ERP44: variants seen among roughly 807,000 people sequenced by gnomAD.
ERP44 encodes the protein endoplasmic reticulum resident protein 44.
In ERP44, 25 loss-of-function variants were observed where a neutral mutation model predicts 53.4. The ratio of observed to expected loss-of-function variants is 0.47; its 90% CI spans 0.34 to 0.65. The LOEUF (loss-of-function observed/expected upper bound fraction) is 0.65. ERP44 is among the 30% of genes least tolerant of loss of function. The probability of loss-of-function intolerance (pLI) is 0.01; values close to 1 mark genes in which losing one functional copy is unlikely to be tolerated. For missense variants in ERP44, 338 were observed against 493.2 expected, an observed-to-expected ratio of 0.69 and a Z score of 2.98; for synonymous variants, 145 against 161.2, an observed-to-expected ratio of 0.90 and a Z score of 0.76.
At chr9:100,027,761 T>C (rs908899091) in intron 4 of ERP44, among the ~76,000 whole-genome samples, 5 of 152,102 alleles carry the variant, frequency 3.3e-5, no homozygotes, top group Admixed American at 6.6e-5. Context: ...GCAACGTCTC[T>C]CCCTGCAATG....
chr9:99,994,849 C>A lies in ERP44; in HGVS notation c.1017-9780G>T, dbSNP rs180818199. ...AACAGTTTTAGCTATTCTGGTTTAA[C>A]CTTTCCATATAAATTTTAGAATCTG... On this transcript the variant is annotated intron_variant, in intron 10 of 11. Transcript: ENST00000262455. Among the ~76,000 whole-genome samples, 10 of 152,266 alleles carry A rather than the reference C, an allele frequency of 6.6e-5. No homozygotes were observed. In the East Asian group the frequency reaches 1.2e-3, roughly 18 times the overall value.
chr9:100,071,540 G>A (rs1237025250), intron 1 of ERP44, among the ~76,000 whole-genome samples: 1 of 152,014 alleles, frequency 6.6e-6, no homozygotes, highest in Non-Finnish European at 1.5e-5. Context: ...ACGTATTCTT[G>A]GGTAAAAATG....
At chr9:100,049,270 T>C (rs1463930090) in intron 4 of ERP44, among the ~76,000 whole-genome samples, 1 of 152,038 alleles carries the variant, frequency 6.6e-6, no homozygotes, top group Non-Finnish European at 1.5e-5. Context: ...ATTAGCTGGG[T>C]GTGGTGGCAC....
chr9:100,042,988 A>G (rs1052927235), intron 4 of ERP44, among the ~76,000 whole-genome samples: 1 of 152,050 alleles, frequency 6.6e-6, no homozygotes, highest in South Asian at 2.1e-4. Context: ...GGCCGGGCGC[A>G]GTGGCTCATG....
At chr9:100,080,731 A>G (rs755521227) in intron 1 of ERP44, among the ~76,000 whole-genome samples, 2 of 152,198 alleles carry the variant, frequency 1.3e-5, no homozygotes, top group Non-Finnish European at 2.9e-5. Flanking sequence ...AAGTTCATGT[A>G]GTGCCTCATT....
intron 4 of ERP44, among the ~76,000 whole-genome samples, chr9:100,024,195 A>AAC (rs1830627181): frequency 6.8e-6 from 1 of 146,492 alleles, no homozygotes; most frequent in Non-Finnish European, 1.5e-5. Context: ...ACAACAACAA[A>AAC]GTTACTATTT....
At position 99,984,966 on chromosome 9, in the gene ERP44, C is replaced by G. The variant is rs1478642506; in HGVS notation, c.1119+1G>C. 1 of 1,589,806 alleles carries G rather than the reference C, an allele frequency of 6.3e-7. No homozygotes were observed. Among genetic ancestry groups the G allele is most frequent in the African/African-American group, 1.3e-5 (1 of 74,392 alleles). ...CATTGAAAAATAAACAGGAGTCCTA[C>G]CTCTCCTGGGGCTGTATCAGTTGGG... On this transcript the variant is annotated splice_donor_variant, in intron 11 of 11. Transcript: ENST00000262455. LOFTEE classifies it high-confidence loss of function.
At chr9:100,063,767 C>G (rs1033508017) in intron 1 of ERP44, among the ~76,000 whole-genome samples, 3 of 152,160 alleles carry the variant, frequency 2.0e-5, no homozygotes, top group African/African-American at 7.2e-5. Context: ...TATTTTACAA[C>G]TTGGTCATTC....
Position 100,084,914 on chromosome 9 carries a change from A to T in ERP44, c.57+13870T>A, listed in dbSNP as rs148740918. On this transcript the variant is annotated intron_variant, in intron 1 of 11. Transcript: ENST00000262455. ...ATAAAGTAAGCTAAGAAAGGCATCA[A>T]CCACAAAAAGCTAAGGCAACAAACA... 1.3e-3 allele frequency among the ~76,000 whole-genome samples: 191 copies of T among 152,368 alleles called. 1 individual carries two copies. Among genetic ancestry groups the T allele is most frequent in the Non-Finnish European group, 2.4e-3 (162 of 68,028 alleles).
At chr9:100,043,343 C>T (rs961638521) in intron 4 of ERP44, among the ~76,000 whole-genome samples, 5 of 127,036 alleles carry the variant, frequency 3.9e-5, no homozygotes, top group African/African-American at 1.5e-4. Flanking sequence ...ATAGTAGAAA[C>T]TAATTTAATT....
chr9:100,018,198 T>C, intron 7 of ERP44, 58 bp downstream of exon 7: 1 of 1,036,874 alleles, frequency 9.6e-7, no homozygotes, highest in Non-Finnish European at 1.5e-6. Flanking sequence ...TAAAACTACA[T>C]CTTACGCATG....
chr9:100,021,578 G>T (rs187351050), intron 5 of ERP44, among the ~76,000 whole-genome samples: 18 of 152,168 alleles, frequency 1.2e-4, no homozygotes, highest in Non-Finnish European at 2.6e-4. Context: ...TTTTGCTTTT[G>T]TTGTTTGTTA....
intron 4 of ERP44, among the ~76,000 whole-genome samples, chr9:100,043,514 G>GGAGGCT (rs1250399306): frequency 6.6e-6 from 1 of 151,934 alleles, no homozygotes; most frequent in Non-Finnish European, 1.5e-5. Context: ...CAGAACTTTG[G>GGAGGCT]GAGGCTGAGG....
intron 4 of ERP44, among the ~76,000 whole-genome samples, chr9:100,051,645 A>G (rs1164737018): frequency 2.6e-5 from 4 of 152,192 alleles, no homozygotes; most frequent in Non-Finnish European, 5.9e-5. Context: ...GCAGCTGATA[A>G]GACAACTAAG....
intron 10 of ERP44, among the ~76,000 whole-genome samples, chr9:99,995,184 G>A (rs1253070893): frequency 6.6e-6 from 1 of 151,826 alleles, no homozygotes; most frequent in Non-Finnish European, 1.5e-5. Flanking sequence ...TAAAAGTGAT[G>A]TTTTAAAAAG....
intron 3 of ERP44, among the ~76,000 whole-genome samples, chr9:100,055,523 C>T (rs1489332267): frequency 6.6e-6 from 1 of 152,154 alleles, no homozygotes; most frequent in Non-Finnish European, 1.5e-5. Context: ...CAGGTGCCTG[C>T]CACGTCCGGC....
chr9:100,068,300 A>C (rs1198923840), intron 1 of ERP44, among the ~76,000 whole-genome samples: 44 of 88,706 alleles, frequency 5.0e-4, no homozygotes, highest in African/African-American at 1.6e-3. Flanking sequence ...GAGCCCCTCT[A>C]CCCGGCCAGC....
rs1461531758 is a variant in ERP44 at position 99,981,298 on chromosome 9, T to A, written c.*1314A>T. ...GGAATTATAAGCTGGTTTTTAAAAA[T>A]AACAATCATTAAATATCCATTATAA... On this transcript the variant is annotated 3_prime_UTR_variant, in exon 12 of 12. Transcript: ENST00000262455. 1 of 152,486 alleles carries A rather than the reference T, an allele frequency of 6.6e-6. No homozygotes were observed. Among genetic ancestry groups the A allele is most frequent in the Non-Finnish European group, 1.5e-5 (1 of 68,034 alleles). The allele number at this position is 152,486 out of a possible 1,614,324, so 9.4% of individuals were successfully genotyped here.
At chr9:100,057,677 C>T in intron 3 of ERP44, 143 bp downstream of exon 3, 2 of 650,176 alleles carry the variant, frequency 3.1e-6, no homozygotes, top group Non-Finnish European at 5.5e-6. Flanking sequence ...TAAACTACTT[C>T]CCTTGTGGAT....
Sources: allele counts gnomAD v4.1 joint callset (sites outside exome capture counted in the v4.1 genomes callset), GRCh38; gene constraint gnomAD v4.1.1; transcripts MANE v1.5; gene names NCBI Gene and HGNC (gene_info 2026-07-23, HGNC 2026-07-21).